RYR2: variants seen among roughly 807,000 people sequenced by gnomAD.
RYR2 encodes the protein ryanodine receptor 2.
In RYR2, 227 loss-of-function variants were observed where a neutral mutation model predicts 601.1. That is an observed-to-expected ratio of 0.38 (90% confidence interval 0.34 to 0.42). RYR2 has a LOEUF of 0.42. Ranked by LOEUF, RYR2 falls within the 10% of genes least tolerant of loss-of-function variation. RYR2 has a pLI of 1.00. For synonymous variants in RYR2, 2,223 were observed against 2,175.1 expected (o/e 1.02, Z -0.61); for missense variants, 4,646 against 6,156.5 (o/e 0.75, Z 8.21).
intron 10 of RYR2, among the ~76,000 whole-genome samples, chr1:237,410,406 C>A (rs1704330847): frequency 6.6e-6 from 1 of 151,836 alleles, no homozygotes; most frequent in African/African-American, 2.4e-5. Flanking sequence ...TATGAAAGAC[C>A]CTAGACCCTG....
rs78753561 is a variant in RYR2, at chr1:237,532,930, C to G, written c.2906+2420C>G. On this transcript the variant is annotated intron_variant, in intron 25 of 104. Transcript: ENST00000366574. Reference sequence around the variant, plus strand: ...GAAACAAATGGGTTAATACATGTCCCCATGACAATCATCTCAATTCCAATT... The same window carrying G: ...GAAACAAATGGGTTAATACATGTCCGCATGACAATCATCTCAATTCCAATT... Among the ~76,000 whole-genome samples the G allele has an allele frequency of 6.0e-3, 918 of 152,210 alleles. 2 individuals carry two copies. The highest frequency in any genetic ancestry group is 0.01 in the Non-Finnish European group (688 of 67,984).
chr1:237,616,653 T>C (rs368380317), intron 37 of RYR2, among the ~76,000 whole-genome samples: 2 of 152,268 alleles, frequency 1.3e-5, no homozygotes, highest in South Asian at 4.1e-4. Context: ...TAGCAAACTT[T>C]CCCTTATATA....
intron 34 of RYR2, among the ~76,000 whole-genome samples, chr1:237,598,991 ATAT>A (rs1277192559): frequency 6.6e-6 from 1 of 152,152 alleles, no homozygotes; most frequent in Non-Finnish European, 1.5e-5. Flanking sequence ...TAATGAGAAA[ATAT>A]TATGAAAAAT....
In RYR2 at chr1:237,598,104, G is replaced by A. The variant is rs554156491; in HGVS notation, c.4596+2447G>A. Among the ~76,000 whole-genome samples, 3 of 152,296 alleles carry A rather than the reference G, an allele frequency of 2.0e-5. No individual in the cohort carries two copies. The South Asian group carries it at 6.2e-4, about 32-fold the overall frequency. On this transcript the variant is annotated intron_variant, in intron 34 of 104. Transcript: ENST00000366574. ...GAAGGTCATTAATAGAAAAGGATCA[G>A]TTAAGAAGATATAACAATTGTGAAT...
chr1:237,827,437 C>A (rs542777968), intron 101 of RYR2, among the ~76,000 whole-genome samples: 1 of 151,910 alleles, frequency 6.6e-6, no homozygotes, highest in Non-Finnish European at 1.5e-5. Context: ...GAGTTTGAGA[C>A]CAGCCTGGTC....
In RYR2 at chr1:237,602,015, T is replaced by C. The variant is rs1334512091; in HGVS notation, c.4597-10T>C. ...TACTAACATTATTAAATTCATTAAA[T>C]GTATTTCAGGTGGAACCGAGTACAA... On this transcript the variant is annotated splice_polypyrimidine_tract_variant and intron_variant, in intron 34 of 104. Transcript: ENST00000366574. The C allele has an allele frequency of 1.2e-6, 2 of 1,607,768 alleles. No homozygotes were observed. Among genetic ancestry groups the C allele is most frequent in the Non-Finnish European group, 1.7e-6 (2 of 1,176,144 alleles).
chr1:237,355,902 G>A (rs1699251680), intron 3 of RYR2, 63 bp from the exon 4 acceptor site: 3 of 1,391,726 alleles, frequency 2.2e-6, no homozygotes, highest in African/African-American at 2.8e-5. Context: ...TTAAATGACA[G>A]TAATTGAAAC....
intron 97 of RYR2, among the ~76,000 whole-genome samples, chr1:237,800,376 T>A (rs1659821553): frequency 6.6e-6 from 1 of 152,040 alleles, no homozygotes; most frequent in African/African-American, 2.4e-5. Context: ...AAGGCTCCTG[T>A]GATAATAAAA....
At position 237,456,777 on chromosome 1, in the gene RYR2, T is replaced by G. The variant is rs373738084; in HGVS notation, c.1612+42T>G. 4.5e-4 allele frequency: 727 copies of G among 1,606,322 alleles called. 2 individuals are homozygous for G. The highest frequency in any genetic ancestry group is 5.9e-4 in the Non-Finnish European group (688 of 1,175,646). On this transcript the variant is annotated intron_variant, in intron 16 of 104. Coordinates refer to ENST00000366574, the MANE Select transcript of RYR2 (RefSeq NM_001035.3). ...GGTTCATAGCAACAGAGTTATCTAT[T>G]TAAAATGTCCATAAATGGACTAGGT...
chr1:237,173,989 A>G (rs1677723558), intron 1 of RYR2, among the ~76,000 whole-genome samples: 1 of 152,126 alleles, frequency 6.6e-6, no homozygotes, highest in Non-Finnish European at 1.5e-5. Flanking sequence ...CCTGGGAGGC[A>G]GGGCTTGCAG....
chr1:237,464,715 C>T (rs549596394), intron 16 of RYR2, among the ~76,000 whole-genome samples: 1 of 152,108 alleles, frequency 6.6e-6, no homozygotes, highest in Non-Finnish European at 1.5e-5. Flanking sequence ...TCAGTGTATA[C>T]ATTTACTTTA....
At chr1:237,598,730 T>C (rs969812384) in intron 34 of RYR2, among the ~76,000 whole-genome samples, 27 of 151,940 alleles carry the variant, frequency 1.8e-4, no homozygotes, top group Non-Finnish European at 4.4e-5. Flanking sequence ...CCACCTAATA[T>C]TGCACCTCCA....
At chr1:237,107,969 T>TA (rs368450894) in intron 1 of RYR2, among the ~76,000 whole-genome samples, 6 of 152,260 alleles carry the variant, frequency 3.9e-5, no homozygotes, top group African/African-American at 1.4e-4. Flanking sequence ...TACCTCCTGG[T>TA]AAAAAGGTTC....
At chr1:237,061,249 CT>C (rs1558163523) in intron 1 of RYR2, among the ~76,000 whole-genome samples, 13 of 109,004 alleles carry the variant, frequency 1.2e-4, no homozygotes, top group South Asian at 3.0e-4. Flanking sequence ...ATCTATCTAT[CT>C]ATCATCTATC....
chr1:237,439,643 C>CAA (rs879854481), intron 12 of RYR2, among the ~76,000 whole-genome samples: 2 of 135,016 alleles, frequency 1.5e-5, no homozygotes, highest in African/African-American at 5.4e-5. Context: ...GACTCCATCT[C>CAA]AAAAAAAAAA....
At chr1:237,131,458 A>T (rs1475281509) in intron 1 of RYR2, among the ~76,000 whole-genome samples, 2 of 152,188 alleles carry the variant, frequency 1.3e-5, no homozygotes, top group African/African-American at 4.8e-5. Flanking sequence ...AATAGTCAAC[A>T]GAAACAGACC....
intron 1 of RYR2, among the ~76,000 whole-genome samples, chr1:237,173,488 G>A (rs1452467695): frequency 1.3e-5 from 2 of 152,138 alleles, no homozygotes; most frequent in East Asian, 1.9e-4. Context: ...ACCTGCACAA[G>A]GTCAGCTGTT....
rs922052154 is a variant in RYR2 at position 237,323,282 on chromosome 1, A to G, written c.169-7596A>G. ...TCAGAGGAACCATTAGTTTGCATATATGACTTTCAAGATACATAGTATCTT... is the reference window on the plus strand; with the variant it reads ...TCAGAGGAACCATTAGTTTGCATATGTGACTTTCAAGATACATAGTATCTT... On this transcript the variant is annotated intron_variant, in intron 2 of 104. Coordinates refer to ENST00000366574, the MANE Select transcript of RYR2 (RefSeq NM_001035.3). Among the ~76,000 whole-genome samples, 50 of 152,110 alleles carry G rather than the reference A, an allele frequency of 3.3e-4. 1 individual carries two copies. The highest frequency in any genetic ancestry group is 1.9e-4 in the East Asian group (1 of 5,156).
intron 1 of RYR2, among the ~76,000 whole-genome samples, chr1:237,224,379 G>A (rs888299727): frequency 6.6e-6 from 1 of 152,176 alleles, no homozygotes; most frequent in African/African-American, 2.4e-5. Context: ...GTTATTTTTA[G>A]TTAAGGTTTT....
Sources: allele counts gnomAD v4.1 joint callset (sites outside exome capture counted in the v4.1 genomes callset), GRCh38; gene constraint gnomAD v4.1.1; transcripts MANE v1.5; gene names NCBI Gene and HGNC (gene_info 2026-07-23, HGNC 2026-07-21).